The following CDC123 variants were observed in gnomAD, a reference collection of about 807,000 sequenced individuals.
The protein encoded by CDC123 is translation initiation factor eIF2 assembly protein.
CDC123 carries 37 observed loss-of-function variants against 54.4 expected under a neutral mutation model. The ratio of observed to expected loss-of-function variants is 0.68; its 90% CI spans 0.52 to 0.89. The LOEUF is 0.89. Ranked by LOEUF, CDC123 falls within the 40% of genes least tolerant of loss-of-function variation. The pLI, the probability that CDC123 is intolerant of heterozygous loss-of-function variation, is 0.00. For synonymous variants in CDC123, 144 were observed against 136.8 expected (o/e 1.05, Z -0.37); for missense variants, 361 against 412.1 (o/e 0.88, Z 1.07).
chr10:12,237,104 ATATTG>A, intron 8 of CDC123, 35 bp from the exon 9 acceptor site: 1 of 1,491,808 alleles, frequency 6.7e-7, no homozygotes, highest in East Asian at 2.4e-5. Context: ...TTTGAAAAGA[ATATTG>A]TATAATAACA....
chr10:12,216,132 T>G (rs960029448), intron 5 of CDC123, among the ~76,000 whole-genome samples: 6 of 152,190 alleles, frequency 3.9e-5, no homozygotes, highest in African/African-American at 1.4e-4. Context: ...GCTGTTCAGT[T>G]TAACAGAGAA....
chr10:12,197,484 C>T (rs1462917139), intron 1 of CDC123, among the ~76,000 whole-genome samples: 1 of 146,670 alleles, frequency 6.8e-6, no homozygotes, highest in Non-Finnish European at 1.5e-5. Flanking sequence ...TCACGCCATT[C>T]TCCTGCCTCA....
rs117967138 is a variant in CDC123 at position 12,201,558 on chromosome 10, A to G, written c.146+2782A>G. Among the ~76,000 whole-genome samples the G allele has an allele frequency of 7.3e-3, 1,110 of 151,930 alleles. 24 individuals carry two copies. Among genetic ancestry groups the G allele is most frequent in the Non-Finnish European group, 9.3e-3 (632 of 68,016 alleles). On this transcript the variant is annotated intron_variant, in intron 2 of 12. Transcript: ENST00000281141. ...TAGGCCTGGAAGATCTTGACATACA[A>G]GAAGCTTGGGAAAGGTCATGTAGCT...
At chr10:12,226,289 G>A (rs1349898591) in intron 6 of CDC123, among the ~76,000 whole-genome samples, 3 of 152,118 alleles carry the variant, frequency 2.0e-5, no homozygotes, top group African/African-American at 4.8e-5. Flanking sequence ...CCTCCCAGAC[G>A]GCGTGGCGGC....
chr10:12,205,332 C>T (rs1015812931), intron 2 of CDC123, among the ~76,000 whole-genome samples: 1 of 152,134 alleles, frequency 6.6e-6, no homozygotes, highest in African/African-American at 2.4e-5. Flanking sequence ...TTGGTGAGCA[C>T]TTAGGTGGCT....
intron 9 of CDC123, among the ~76,000 whole-genome samples, chr10:12,237,849 A>G (rs1401673317): frequency 2.0e-5 from 3 of 152,348 alleles, no homozygotes; most frequent in African/African-American, 7.2e-5. Flanking sequence ...AACAAAGTCT[A>G]TCTACCTTTC....
chr10:12,222,536 T>C (rs1167908157), intron 6 of CDC123, among the ~76,000 whole-genome samples: 1 of 152,236 alleles, frequency 6.6e-6, no homozygotes, highest in Non-Finnish European at 1.5e-5. Flanking sequence ...ATATAAACAT[T>C]CTATGTTATT....
At chr10:12,243,235 C>T (rs1158720929) in intron 10 of CDC123, among the ~76,000 whole-genome samples, 1 of 151,220 alleles carries the variant, frequency 6.6e-6, no homozygotes, top group Non-Finnish European at 1.5e-5. Context: ...CCCATCTCTA[C>T]CAAAAATAGA....
intron 2 of CDC123, among the ~76,000 whole-genome samples, chr10:12,202,277 T>G (rs1355433370): frequency 6.6e-6 from 1 of 152,168 alleles, no homozygotes; most frequent in African/African-American, 2.4e-5. Flanking sequence ...CCTTTCTTAG[T>G]TCAGTTTCGT....
rs1836225701 is a variant in CDC123, at chr10:12,250,438, C to T, written c.*101C>T. 3.5e-6 allele frequency: 3 copies of T among 867,888 alleles called. No individual in the cohort carries two copies. The highest frequency in any genetic ancestry group is 1.7e-5 in the African/African-American group (1 of 60,578). 53.8% of individuals were successfully genotyped at this position (867,888 alleles called of 1,614,324 possible). On this transcript the variant is annotated 3_prime_UTR_variant, in exon 13 of 13. Coordinates refer to ENST00000281141, the MANE Select transcript of CDC123 (RefSeq NM_006023.3). ...CCGACCCTGATGCGGGTGGGCCGAG[C>T]AGTGTGGACATCAGCCACTTTTTAT... is the stretch of plus-strand genomic sequence containing the variant.
intron 10 of CDC123, among the ~76,000 whole-genome samples, chr10:12,241,101 A>T (rs1293068564): frequency 6.6e-6 from 1 of 152,124 alleles, no homozygotes; most frequent in African/African-American, 2.4e-5. Flanking sequence ...TACACTCTTC[A>T]GGGTTTTTGG....
intron 4 of CDC123, among the ~76,000 whole-genome samples, chr10:12,211,046 G>A (rs1046924485): frequency 1.5e-4 from 23 of 152,142 alleles, no homozygotes; most frequent in African/African-American, 5.1e-4. Flanking sequence ...TCTTTCAAGC[G>A]AGAGTAGAGA....
intron 1 of CDC123, among the ~76,000 whole-genome samples, chr10:12,196,850 G>C (rs1835359344): frequency 6.6e-6 from 1 of 152,158 alleles, no homozygotes; most frequent in South Asian, 2.1e-4. Context: ...GCATTTGTTA[G>C]CTAAATTTAT....
intron 1 of CDC123, among the ~76,000 whole-genome samples, chr10:12,198,408 A>G (rs866945490): frequency 6.6e-6 from 1 of 152,174 alleles, no homozygotes; most frequent in Non-Finnish European, 1.5e-5. Context: ...AAAGACACAT[A>G]AATGTTGTGC....
intron 1 of CDC123, among the ~76,000 whole-genome samples, chr10:12,197,447 G>A (rs1256162805): frequency 1.7e-5 from 2 of 115,410 alleles, no homozygotes; most frequent in South Asian, 5.5e-4. Context: ...AGCGATCTTG[G>A]CTCACTGCAA....
At chr10:12,236,819 C>T (rs1835983071) in intron 8 of CDC123, among the ~76,000 whole-genome samples, 2 of 151,394 alleles carry the variant, frequency 1.3e-5, no homozygotes, top group African/African-American at 4.9e-5. Context: ...GCTTCTCGGG[C>T]AGCAGAGGTT....
At chr10:12,214,964 C>G (rs1229381717) in intron 4 of CDC123, among the ~76,000 whole-genome samples, 1 of 152,168 alleles carries the variant, frequency 6.6e-6, no homozygotes, top group Non-Finnish European at 1.5e-5. Flanking sequence ...CTACTTCCCC[C>G]TCTCTTACTT....
intron 10 of CDC123, among the ~76,000 whole-genome samples, chr10:12,242,114 A>C (rs1198099210): frequency 1.3e-5 from 2 of 152,210 alleles, no homozygotes; most frequent in Admixed American, 6.5e-5. Flanking sequence ...GAGCCCTCAC[A>C]TATCTCACAC....
rs1468906623 is a variant in CDC123, at chr10:12,246,279, T to C, written c.846+2T>C. The C allele has an allele frequency of 6.2e-7, 1 of 1,614,022 alleles. No homozygotes were observed. Among genetic ancestry groups the C allele is most frequent in the Non-Finnish European group, 8.5e-7 (1 of 1,179,964 alleles). On this transcript the variant is annotated splice_donor_variant, in intron 11 of 12. Transcript: ENST00000281141. LOFTEE classifies it high-confidence loss of function. ...AGTGAAGTTGACGCTCAAGAGCAGGTACAACATTTTTAAGACAGATACAAT... is the reference window on the plus strand; with the variant it reads ...AGTGAAGTTGACGCTCAAGAGCAGGCACAACATTTTTAAGACAGATACAAT...
Sources: allele counts gnomAD v4.1 joint callset (sites outside exome capture counted in the v4.1 genomes callset), GRCh38; gene constraint gnomAD v4.1.1; transcripts MANE v1.5; gene names NCBI Gene and HGNC (gene_info 2026-07-23, HGNC 2026-07-21).